Variants in YEATS2 observed in about 807,000 individuals in gnomAD.
YEATS2 encodes the protein YEATS domain containing 2.
In YEATS2, 77 loss-of-function variants were observed where a neutral mutation model predicts 163.2. The observed-to-expected ratio is 0.47, with a 90% CI of 0.39 to 0.57. The LOEUF (loss-of-function observed/expected upper bound fraction) is 0.57, where lower values mean the gene tolerates loss of function less well. Ranked by LOEUF, YEATS2 falls within the 20% of genes least tolerant of loss-of-function variation. YEATS2 has a pLI of 0.00. For synonymous variants in YEATS2, 631 were observed against 645.1 expected (o/e 0.98, Z 0.33); for missense variants, 1,549 against 1,729.8 (o/e 0.90, Z 1.85).
At chr3:183,720,378 T>C (rs1270715158) in intron 4 of YEATS2, among the ~76,000 whole-genome samples, 1 of 152,222 alleles carries the variant, frequency 6.6e-6, no homozygotes, top group Admixed American at 6.5e-5. Context: ...ACTTTCGTTT[T>C]TTTCTCTTTT....
At position 183,749,448 on chromosome 3, in the gene YEATS2, C is replaced by A. The variant is rs567382010; in HGVS notation, c.969+1732C>A. Reference sequence around the variant, plus strand: ...AAAAATGACCACCCACTCCTCCCGCCCCCCCAGCACTGGCAACTGCTGCTC... The same window carrying A: ...AAAAATGACCACCCACTCCTCCCGCACCCCCAGCACTGGCAACTGCTGCTC... On this transcript the variant is annotated intron_variant, in intron 9 of 30. Coordinates refer to ENST00000305135, the MANE Select transcript of YEATS2 (RefSeq NM_018023.5). Among the ~76,000 whole-genome samples, 4 of 152,156 alleles carry A rather than the reference C, an allele frequency of 2.6e-5. No homozygotes were observed. In the South Asian group the frequency reaches 8.3e-4, roughly 32 times the overall value.
chr3:183,719,326 G>C (rs1026820194), intron 4 of YEATS2, among the ~76,000 whole-genome samples: 2 of 151,728 alleles, frequency 1.3e-5, no homozygotes, highest in Non-Finnish European at 2.9e-5. Context: ...TACTAGAGAC[G>C]GGGTTTCTCC....
Position 183,775,850 on chromosome 3 carries a change from G to T in YEATS2, c.2369-65G>T, listed in dbSNP as rs562117543. 1.0e-3 allele frequency: 1,658 copies of T among 1,606,068 alleles called. 2 individuals are homozygous for T. Among genetic ancestry groups the T allele is most frequent in the Admixed American group, 1.4e-3 (83 of 59,988 alleles). ...GGGAAACATCTCTCTGGGCTCATTT[G>T]TTTTTTATGCTAAAGCTTTGCTTGA... On this transcript the variant is annotated intron_variant, in intron 17 of 30. Coordinates refer to ENST00000305135, the MANE Select transcript of YEATS2 (RefSeq NM_018023.5).
At chr3:183,802,235 T>C (rs1349835199) in intron 25 of YEATS2, 1 of 152,640 alleles carries the variant, frequency 6.6e-6, no homozygotes, top group African/African-American at 2.4e-5. Flanking sequence ...AGCATGCTCA[T>C]GGGCAAGACC....
intron 7 of YEATS2, among the ~76,000 whole-genome samples, chr3:183,729,661 A>G (rs371389258): frequency 1.9e-4 from 26 of 134,462 alleles, no homozygotes; most frequent in South Asian, 9.8e-4. Context: ...TGTACCATTT[A>G]GGTGTGTTCT....
At chr3:183,785,529 G>A (rs927219563) in intron 19 of YEATS2, among the ~76,000 whole-genome samples, 9 of 150,912 alleles carry the variant, frequency 6.0e-5, no homozygotes, top group African/African-American at 2.2e-4. Context: ...TGTGGCACAT[G>A]CCTGTAATCC....
Position 183,799,002 on chromosome 3 carries a change from TCA to T in YEATS2, c.3325+16_3325+17del, listed in dbSNP as rs1325387013. 1.3e-5 allele frequency: 20 copies of T among 1,598,684 alleles called. No homozygotes were observed. The highest frequency in any genetic ancestry group is 1.6e-5 in the Non-Finnish European group (19 of 1,166,022). On this transcript the variant is annotated intron_variant, in intron 23 of 30. Transcript: ENST00000305135. Reference sequence around the variant, plus strand: ...GCTGTTGCAAAAGGTACGTAGGATCTCACAGAGTTCTCGTCCAGAAGTTTTGT... The same window carrying T: ...GCTGTTGCAAAAGGTACGTAGGATCTCAGAGTTCTCGTCCAGAAGTTTTGT...
At chr3:183,788,441 A>C (rs1724275985) in intron 20 of YEATS2, among the ~76,000 whole-genome samples, 1 of 152,244 alleles carries the variant, frequency 6.6e-6, no homozygotes, top group African/African-American at 2.4e-5. Context: ...ACTTAACATA[A>C]TGTCCTCCAG....
Position 183,761,864 on chromosome 3 carries a change from T to C in YEATS2, c.1765-233T>C, listed in dbSNP as rs145395596. Reference sequence around the variant, plus strand: ...CCACAGTCTCTAAAACAAGTGACTGTGTTATTACAGGAGCACAGGATCAAG... The same window carrying C: ...CCACAGTCTCTAAAACAAGTGACTGCGTTATTACAGGAGCACAGGATCAAG... On this transcript the variant is annotated intron_variant, in intron 14 of 30. Coordinates refer to ENST00000305135, the MANE Select transcript of YEATS2 (RefSeq NM_018023.5). Among the ~76,000 whole-genome samples, 365 of 152,332 alleles carry C rather than the reference T, an allele frequency of 2.4e-3. 2 individuals carry two copies. The highest frequency in any genetic ancestry group is 8.5e-3 in the African/African-American group (355 of 41,576).
intron 7 of YEATS2, among the ~76,000 whole-genome samples, chr3:183,729,937 G>A (rs562667685): frequency 2.6e-5 from 4 of 151,144 alleles, no homozygotes; most frequent in South Asian, 4.2e-4. Flanking sequence ...TGATCTGCCC[G>A]CCTTGGCCAC....
At chr3:183,702,648 C>T (rs1368666830) in intron 1 of YEATS2, among the ~76,000 whole-genome samples, 1 of 151,820 alleles carries the variant, frequency 6.6e-6, no homozygotes, top group East Asian at 1.9e-4. Context: ...ACCAGACTGA[C>T]CAATATGGTG....
In YEATS2 at chr3:183,717,670, G is replaced by A. The variant is rs752466233; in HGVS notation, c.120G>A (p.Gln40=). Residue 40 remains glutamine, a synonymous_variant, in exon 3 of 31, where the codon CAG becomes CAA. Transcript: ENST00000305135. ...GTACAGCTCGAGATGCTGCTGTGCA[G>A]AAGATTGAGACTATTATCAAAGAAC... ...IENSARDAAV[Q]KIETIIKEQF... 2.4e-5 allele frequency: 37 copies of A among 1,566,612 alleles called. No individual in the cohort carries two copies. The highest frequency in any genetic ancestry group is 3.2e-5 in the Non-Finnish European group (37 of 1,164,072).
At chr3:183,796,390 C>G (rs916016070) in intron 21 of YEATS2, among the ~76,000 whole-genome samples, 1 of 150,854 alleles carries the variant, frequency 6.6e-6, no homozygotes, top group Non-Finnish European at 1.5e-5. Context: ...TTTAAATGGC[C>G]CTCTGAATGC....
intron 8 of YEATS2, among the ~76,000 whole-genome samples, chr3:183,743,576 A>G (rs909127243): frequency 2.6e-5 from 4 of 151,970 alleles, no homozygotes; most frequent in Admixed American, 2.0e-4. Flanking sequence ...AAACTCCTGG[A>G]CTAAAACAAT....
In YEATS2 at chr3:183,747,694, T is replaced by C. The variant is rs1560266055; in HGVS notation, c.947T>C (p.Leu316Ser). Residue 316 changes from leucine (L) to serine (S), a missense_variant, in exon 9 of 31, where the codon TTG becomes TCG. Transcript: ENST00000305135. ...NLKLDRTYTG[L>S]QTLGAETVVD... ...TAGCTGGATAGAACTTATACTGGCT[T>C]GCAGACTCTTGGAGCAGAGACGGTA... 6.2e-7 allele frequency: 1 copy of C among 1,613,272 alleles called. No individual in the cohort carries two copies.
chr3:183,771,344 G>T (rs1461485078), intron 15 of YEATS2, among the ~76,000 whole-genome samples: 1 of 152,048 alleles, frequency 6.6e-6, no homozygotes, highest in Admixed American at 6.5e-5. Context: ...GAAATAAGGT[G>T]CTGGGAGTGG....
chr3:183,767,728 G>A (rs533292249), intron 15 of YEATS2, among the ~76,000 whole-genome samples: 3 of 151,300 alleles, frequency 2.0e-5, no homozygotes, highest in South Asian at 2.1e-4. Flanking sequence ...TGTTCATCAC[G>A]CTGGTCTCAA....
At chr3:183,757,701 A>T (rs1720915095) in intron 12 of YEATS2, among the ~76,000 whole-genome samples, 1 of 151,702 alleles carries the variant, frequency 6.6e-6, no homozygotes, top group Non-Finnish European at 1.5e-5. Context: ...AATGAGACTG[A>T]TTTTTTTGTT....
At chr3:183,719,395 C>T (rs537228559) in intron 4 of YEATS2, among the ~76,000 whole-genome samples, 1 of 152,262 alleles carries the variant, frequency 6.6e-6, no homozygotes, top group African/African-American at 2.4e-5. Context: ...CCTTGGCCTC[C>T]CAAAGTGCTG....
Sources: gnomAD v4.1 joint callset for allele counts (sites outside exome capture counted in the v4.1 genomes callset) on GRCh38, gnomAD v4.1.1 for gene constraint, MANE v1.5 for transcripts, NCBI Gene and HGNC (gene_info 2026-07-23, HGNC 2026-07-21) for gene names.